The following CDH8 variants were observed in gnomAD, a reference collection of about 807,000 sequenced individuals.
The protein encoded by CDH8 is cadherin 8.
CDH8 carries 17 observed loss-of-function variants against 68.1 expected under a neutral mutation model. The observed-to-expected ratio is 0.25, with a 90% CI of 0.17 to 0.37. The LOEUF (loss-of-function observed/expected upper bound fraction) is 0.37. CDH8 is among the 10% of genes least tolerant of loss of function. The pLI is 1.00. For synonymous variants in CDH8, 372 were observed against 365.1 expected (o/e 1.02, Z -0.21); for missense variants, 763 against 999.3 (o/e 0.76, Z 3.19).
At chr16:62,018,609 G>C (rs1483272438) in intron 2 of CDH8, among the ~76,000 whole-genome samples, 1 of 152,188 alleles carries the variant, frequency 6.6e-6, no homozygotes, top group Non-Finnish European at 1.5e-5. Context: ...ATCCTCCAAG[G>C]CTACACTGTC....
At chr16:62,007,111 T>A (rs1047077324) in intron 2 of CDH8, among the ~76,000 whole-genome samples, 1 of 152,112 alleles carries the variant, frequency 6.6e-6, no homozygotes, top group Non-Finnish European at 1.5e-5. Context: ...TTTCACCATA[T>A]TGATCAGGCT....
intron 7 of CDH8, among the ~76,000 whole-genome samples, chr16:61,793,747 A>C (rs911090645): frequency 2.5e-4 from 38 of 152,138 alleles, no homozygotes; most frequent in African/African-American, 7.5e-4. Flanking sequence ...GGAATGATTT[A>C]TATTCCTTTG....
intron 8 of CDH8, among the ~76,000 whole-genome samples, chr16:61,745,623 G>T: frequency 6.9e-6 from 1 of 144,802 alleles, no homozygotes. Flanking sequence ...TCTAAATCTG[G>T]TTTGCAAATC....
intron 8 of CDH8, among the ~76,000 whole-genome samples, chr16:61,786,355 T>A (rs1255752365): frequency 6.8e-4 from 27 of 39,980 alleles, no homozygotes; most frequent in East Asian, 9.9e-4. Flanking sequence ...TCAAAGAGAA[T>A]AAAATACCTA....
chr16:61,986,606 A>G lies in CDH8; in HGVS notation c.252+34546T>C, dbSNP rs146673440. ...TTATGAGAACTAAGTCTGAGCAAGA[A>G]CTGGAGATATGTGTCCAAGCAGTCC... On this transcript the variant is annotated intron_variant, in intron 2 of 11. Coordinates refer to ENST00000577390, the MANE Select transcript of CDH8 (RefSeq NM_001796.5). 4.0e-3 allele frequency among the ~76,000 whole-genome samples: 616 copies of G among 152,328 alleles called. 6 individuals are homozygous for G. Among genetic ancestry groups the G allele is most frequent in the Middle Eastern group, 6.8e-3 (2 of 294 alleles).
chr16:61,918,027 G>C (rs1964276117), intron 2 of CDH8, among the ~76,000 whole-genome samples: 1 of 141,826 alleles, frequency 7.1e-6, no homozygotes, highest in Non-Finnish European at 1.5e-5. Context: ...GTAATGATGG[G>C]TACAACTGCT....
At chr16:61,868,160 T>C (rs1343192530) in intron 3 of CDH8, among the ~76,000 whole-genome samples, 1 of 152,204 alleles carries the variant, frequency 6.6e-6, no homozygotes, top group Non-Finnish European at 1.5e-5. Flanking sequence ...CCTGAATTTA[T>C]AAGGACACGA....
chr16:61,704,534 T>C (rs1330253517), intron 10 of CDH8, among the ~76,000 whole-genome samples: 2 of 152,200 alleles, frequency 1.3e-5, no homozygotes, highest in Non-Finnish European at 2.9e-5. Flanking sequence ...TCCATGATTT[T>C]TGAAAGTTAA....
chr16:61,971,600 T>A (rs980751446), intron 2 of CDH8, among the ~76,000 whole-genome samples: 1 of 152,200 alleles, frequency 6.6e-6, no homozygotes, highest in Non-Finnish European at 1.5e-5. Flanking sequence ...TCAGTTCTTT[T>A]GAATTTTTAT....
intron 8 of CDH8, among the ~76,000 whole-genome samples, chr16:61,772,764 C>T (rs190382420): frequency 6.6e-4 from 101 of 152,134 alleles, no homozygotes; most frequent in Admixed American, 3.3e-3. Flanking sequence ...GGACCTGCAG[C>T]ATCAGCCTCA....
At chr16:61,797,726 C>T (rs546082646) in intron 7 of CDH8, among the ~76,000 whole-genome samples, 1 of 152,016 alleles carries the variant, frequency 6.6e-6, no homozygotes, top group Non-Finnish European at 1.5e-5. Flanking sequence ...AAAATAACAA[C>T]AAACATATTT....
At chr16:61,792,997 A>G (rs535553545) in intron 7 of CDH8, among the ~76,000 whole-genome samples, 1 of 151,928 alleles carries the variant, frequency 6.6e-6, no homozygotes, top group Non-Finnish European at 1.5e-5. Context: ...TTGATATCCT[A>G]ACTCCCAAGG....
At chr16:62,008,255 G>A (rs758784856) in intron 2 of CDH8, among the ~76,000 whole-genome samples, 1 of 152,032 alleles carries the variant, frequency 6.6e-6, no homozygotes, top group Non-Finnish European at 1.5e-5. Flanking sequence ...TTCTTATGTT[G>A]TATCACTTGT....
intron 10 of CDH8, among the ~76,000 whole-genome samples, chr16:61,713,017 G>A (rs944414887): frequency 2.0e-5 from 3 of 151,544 alleles, no homozygotes; most frequent in African/African-American, 7.3e-5. Flanking sequence ...GATACCTGCA[G>A]TAAAGCCAGA....
intron 8 of CDH8, among the ~76,000 whole-genome samples, chr16:61,762,289 A>G (rs920704531): frequency 6.6e-6 from 1 of 152,228 alleles, no homozygotes; most frequent in Non-Finnish European, 1.5e-5. Flanking sequence ...TATTCTGGTT[A>G]TAGTATTGTA....
intron 2 of CDH8, among the ~76,000 whole-genome samples, chr16:61,982,745 T>A (rs1965560263): frequency 6.6e-6 from 1 of 152,318 alleles, no homozygotes; most frequent in Non-Finnish European, 1.5e-5. Flanking sequence ...CTGAAAGTAA[T>A]TCTCAAGTTT....
Position 61,695,015 on chromosome 16 carries a change from C to T in CDH8, c.1654+18826G>A, listed in dbSNP as rs185910089. Reference sequence around the variant, plus strand: ...CAGGCTGGTCTCGAACTCCTGACCGCGTGATCCCCCGCCTCAGCCCCTCAA... The same window carrying T: ...CAGGCTGGTCTCGAACTCCTGACCGTGTGATCCCCCGCCTCAGCCCCTCAA... On this transcript the variant is annotated intron_variant, in intron 10 of 11. Transcript: ENST00000577390. 6.6e-3 allele frequency among the ~76,000 whole-genome samples: 997 copies of T among 151,898 alleles called. 9 individuals carry two copies. The highest frequency in any genetic ancestry group is 0.01 in the Middle Eastern group (3 of 288).
chr16:61,733,681 C>A (rs74594169), intron 8 of CDH8, among the ~76,000 whole-genome samples: 1 of 151,670 alleles, frequency 6.6e-6, no homozygotes, highest in African/African-American at 2.4e-5. Flanking sequence ...CCCTTCCCAC[C>A]CTTCCTGTCA....
chr16:61,804,116 A>G lies in CDH8; in HGVS notation c.1277+13363T>C, dbSNP rs375719017. 2.8e-4 allele frequency among the ~76,000 whole-genome samples: 39 copies of G among 138,172 alleles called. 1 individual carries two copies. The East Asian group carries it at 5.0e-3, about 18-fold the overall frequency. The allele number at this position is 138,172 out of a possible 152,430, so 90.6% of individuals were successfully genotyped here. ...AAAAGAACAGAAATTATAACAAACTATCTCTCAGATCACAGTGCAATCAAA... is the reference window on the plus strand; with the variant it reads ...AAAAGAACAGAAATTATAACAAACTGTCTCTCAGATCACAGTGCAATCAAA... On this transcript the variant is annotated intron_variant, in intron 7 of 11. Transcript: ENST00000577390.
Sources: gnomAD v4.1 joint callset for allele counts (sites outside exome capture counted in the v4.1 genomes callset) on GRCh38, gnomAD v4.1.1 for gene constraint, MANE v1.5 for transcripts, NCBI Gene and HGNC (gene_info 2026-07-23, HGNC 2026-07-21) for gene names.